The following LDB2 variants were observed in gnomAD, a reference collection of about 807,000 sequenced individuals.
LDB2 encodes the protein LIM domain-binding protein 2.
Under a neutral mutation model 44.3 loss-of-function variants are expected in LDB2, and 12 were observed. That is an observed-to-expected ratio of 0.27 (90% CI 0.17 to 0.44). The LOEUF (loss-of-function observed/expected upper bound fraction) is 0.44. LDB2 is among the 20% of genes least tolerant of loss of function. The pLI is 1.00. For synonymous variants in LDB2, 164 were observed against 174.8 expected (o/e 0.94, Z 0.49); for missense variants, 344 against 473.5 (o/e 0.73, Z 2.54).
chr4:16,589,708 A>G (rs1184734834), intron 3 of LDB2, among the ~76,000 whole-genome samples: 1 of 152,134 alleles, frequency 6.6e-6, no homozygotes, highest in African/African-American at 2.4e-5. Flanking sequence ...ACTATGAGCT[A>G]GGAAGTGGTG....
At chr4:16,884,871 C>G (rs562152413) in intron 1 of LDB2, among the ~76,000 whole-genome samples, 10 of 152,160 alleles carry the variant, frequency 6.6e-5, no homozygotes, top group African/African-American at 2.2e-4. Context: ...CCTACATTAC[C>G]CATAGGGGCA....
chr4:16,505,986 C>A, intron 7 of LDB2: 1 of 1,550,778 alleles, frequency 6.4e-7, no homozygotes, highest in Non-Finnish European at 8.7e-7. Flanking sequence ...CTAGCCCCTG[C>A]TCATGGAGTG....
chr4:16,814,154 G>A (rs1214667706), intron 1 of LDB2, among the ~76,000 whole-genome samples: 1 of 152,140 alleles, frequency 6.6e-6, no homozygotes. Context: ...ACAGGCGTGA[G>A]CCACCGCACC....
chr4:16,557,497 G>T (rs1319930950), intron 5 of LDB2, among the ~76,000 whole-genome samples: 1 of 152,234 alleles, frequency 6.6e-6, no homozygotes, highest in Non-Finnish European at 1.5e-5. Flanking sequence ...GGCGGCGGCA[G>T]CGAGGCTGGG....
chr4:16,897,879 G>T (rs1725507880), intron 1 of LDB2, among the ~76,000 whole-genome samples: 1 of 127,618 alleles, frequency 7.8e-6, no homozygotes, highest in African/African-American at 2.9e-5. Flanking sequence ...CTTCCTCTAG[G>T]ATTTGTAAAA....
chr4:16,728,318 T>A (rs1413347870), intron 2 of LDB2, among the ~76,000 whole-genome samples: 2 of 152,114 alleles, frequency 1.3e-5, no homozygotes, highest in Non-Finnish European at 2.9e-5. Flanking sequence ...GGCTCAAAGA[T>A]GTCAGCTTGC....
At chr4:16,822,612 G>C (rs1354124199) in intron 1 of LDB2, among the ~76,000 whole-genome samples, 1 of 151,988 alleles carries the variant, frequency 6.6e-6, no homozygotes, top group Non-Finnish European at 1.5e-5. Context: ...TCTGCCTCCT[G>C]GTGTGATTCT....
intron 1 of LDB2, among the ~76,000 whole-genome samples, chr4:16,853,651 A>G (rs1304383996): frequency 1.3e-5 from 2 of 152,194 alleles, no homozygotes; most frequent in Non-Finnish European, 2.9e-5. Context: ...AAATAAAATC[A>G]CTACCTAATA....
At chr4:16,661,096 CCCCCA>C (rs1741454749) in intron 2 of LDB2, among the ~76,000 whole-genome samples, 1 of 151,854 alleles carries the variant, frequency 6.6e-6, no homozygotes, top group African/African-American at 2.4e-5. Context: ...TAATTACTTT[CCCCCA>C]CCTCCCTACA....
chr4:16,505,253 G>A (rs973389869), intron 7 of LDB2, among the ~76,000 whole-genome samples: 4 of 152,090 alleles, frequency 2.6e-5, no homozygotes, highest in African/African-American at 9.7e-5. Context: ...AGGCATAGGT[G>A]TTTTTAAATG....
At chr4:16,687,276 G>A (rs542263775) in intron 2 of LDB2, among the ~76,000 whole-genome samples, 1 of 152,150 alleles carries the variant, frequency 6.6e-6, no homozygotes, top group Admixed American at 6.5e-5. Context: ...AGGTAATAAG[G>A]TTATGAGAGT....
At chr4:16,679,107 T>C (rs573399093) in intron 2 of LDB2, among the ~76,000 whole-genome samples, 18 of 152,350 alleles carry the variant, frequency 1.2e-4, no homozygotes, top group African/African-American at 3.8e-4. Context: ...CTTCTAGTAA[T>C]ATAAACGGTG....
chr4:16,857,429 T>G (rs928527922), intron 1 of LDB2, among the ~76,000 whole-genome samples: 3 of 152,222 alleles, frequency 2.0e-5, no homozygotes, highest in Non-Finnish European at 4.4e-5. Context: ...ATGATCTTCA[T>G]AGCATCCAGG....
chr4:16,642,073 A>G (rs916565530), intron 2 of LDB2, among the ~76,000 whole-genome samples: 3 of 152,310 alleles, frequency 2.0e-5, no homozygotes, highest in Middle Eastern at 3.4e-3. Flanking sequence ...AAAAATAGAA[A>G]TAAGACAATT....
intron 2 of LDB2, among the ~76,000 whole-genome samples, chr4:16,739,617 TAC>T (rs1413750003): frequency 1.2e-5 from 1 of 81,572 alleles, no homozygotes; most frequent in Admixed American, 1.4e-4. Context: ...TATGTATATA[TAC>T]ATGTGTGTGT....
intron 2 of LDB2, among the ~76,000 whole-genome samples, chr4:16,607,054 G>A (rs1496742): frequency 0.48 from 73,301 of 151,990 alleles, 17,940 homozygotes; most frequent in Middle Eastern, 0.64. Context: ...CCTTTCCTCA[G>A]GGTTGGATAT....
chr4:16,731,225 G>C (rs1287482064), intron 2 of LDB2, among the ~76,000 whole-genome samples: 1 of 152,130 alleles, frequency 6.6e-6, no homozygotes, highest in Non-Finnish European at 1.5e-5. Context: ...GGAATGGACT[G>C]GACTGGAATG....
At position 16,633,045 on chromosome 4, in the gene LDB2, C is replaced by T. The variant is rs368042464; in HGVS notation, c.236-37170G>A. 2.6e-5 allele frequency among the ~76,000 whole-genome samples: 4 copies of T among 152,286 alleles called. No individual in the cohort carries two copies. In the East Asian group the frequency reaches 5.8e-4, roughly 22 times the overall value. ...AAGACTTGGAACCAACCCAAATGTC[C>T]ATCAATGATAGACTGGATTAAGAAA... is the stretch of plus-strand genomic sequence containing the variant. On this transcript the variant is annotated intron_variant, in intron 2 of 7. Transcript: ENST00000304523.
At chr4:16,580,755 T>C (rs140829199) in intron 5 of LDB2, among the ~76,000 whole-genome samples, 98 of 152,286 alleles carry the variant, frequency 6.4e-4, no homozygotes, top group African/African-American at 2.2e-3. Context: ...AGGAGATAAA[T>C]GAACATGAAA....
Sources: gnomAD v4.1 joint callset for allele counts (sites outside exome capture counted in the v4.1 genomes callset) on GRCh38, gnomAD v4.1.1 for gene constraint, MANE v1.5 for transcripts, NCBI Gene and HGNC (gene_info 2026-07-23, HGNC 2026-07-21) for gene names.